LGSN: variants seen among roughly 807,000 people sequenced by gnomAD.
LGSN encodes the protein lengsin.
In LGSN, 21 loss-of-function variants were observed where a neutral mutation model predicts 19.5. The ratio of observed to expected loss-of-function variants is 1.07; its 90% CI spans 0.76 to 1.55. The LOEUF (loss-of-function observed/expected upper bound fraction) is 1.55. Ranked by LOEUF, LGSN falls within the 40% of genes most tolerant of loss-of-function variation. The pLI, the probability that LGSN is intolerant of heterozygous loss-of-function variation, is 0.00. For synonymous variants in LGSN, 257 were observed against 215.6 expected, an observed-to-expected ratio of 1.19 and a Z score of -1.68; for missense variants, 673 against 608.5, an observed-to-expected ratio of 1.11 and a Z score of -1.12.
intron 2 of LGSN, among the ~76,000 whole-genome samples, chr6:63,287,695 G>T (rs982937124): frequency 1.3e-5 from 2 of 151,830 alleles, no homozygotes; most frequent in African/African-American, 4.8e-5. Context: ...GCAACAAAGA[G>T]GGACTGTCTT....
chr6:63,456,346 AATATACATAT>A, the LGSN span, among the ~76,000 whole-genome samples: 1,748 of 100,426 alleles, frequency 0.017, 153 homozygotes, highest in African/African-American at 0.039. Flanking sequence ...ACTTGGCAGA[AATATACATAT>A]ATATATATAT....
chr6:63,561,616 AG>A, the LGSN span, among the ~76,000 whole-genome samples: 1 of 152,172 alleles, frequency 6.6e-6, no homozygotes. Context: ...ATCACAACCC[AG>A]GTGACTTAGG....
chr6:63,383,627 T>C, the LGSN span, among the ~76,000 whole-genome samples: 6 of 152,118 alleles, frequency 3.9e-5, no homozygotes, highest in African/African-American at 1.4e-4. Context: ...ACTAAACTAA[T>C]TTTCTCAGAT....
intron 1 of LGSN, among the ~76,000 whole-genome samples, chr6:63,314,288 C>T (rs905511365): frequency 6.6e-6 from 1 of 152,174 alleles, no homozygotes; most frequent in Non-Finnish European, 1.5e-5. Context: ...CTCTGCTCTC[C>T]ACCATATAGG....
the LGSN span, among the ~76,000 whole-genome samples, chr6:63,370,178 C>A: frequency 2.6e-5 from 4 of 152,144 alleles, no homozygotes; most frequent in Non-Finnish European, 5.9e-5. Context: ...GGTAACATCC[C>A]CCTCAAGTAA....
At chr6:63,531,895 G>A in the LGSN span, among the ~76,000 whole-genome samples, 9 of 150,972 alleles carry the variant, frequency 6.0e-5, no homozygotes, top group South Asian at 2.1e-4. Flanking sequence ...CTTGCCTCCC[G>A]GGTTCAAGCA....
At chr6:63,552,868 G>T in the LGSN span, among the ~76,000 whole-genome samples, 4 of 152,048 alleles carry the variant, frequency 2.6e-5, no homozygotes, top group Non-Finnish European at 5.9e-5. Flanking sequence ...TATTTCTGAG[G>T]GCTCTGTTCT....
chr6:63,532,391 A>G, the LGSN span, among the ~76,000 whole-genome samples: 1 of 152,032 alleles, frequency 6.6e-6, no homozygotes, highest in African/African-American at 2.4e-5. Context: ...AATCTCCTCT[A>G]TGCTCACATA....
the LGSN span, among the ~76,000 whole-genome samples, chr6:63,393,493 C>T: frequency 6.6e-6 from 1 of 152,116 alleles, no homozygotes; most frequent in Non-Finnish European, 1.5e-5. Context: ...TTCCCTTCTT[C>T]TGTACAGTAA....
At chr6:63,359,317 A>G in the LGSN span, among the ~76,000 whole-genome samples, 9 of 152,162 alleles carry the variant, frequency 5.9e-5, no homozygotes, top group African/African-American at 2.2e-4. Context: ...GTCTCTGCCC[A>G]GCTTTGGTAT....
chr6:63,332,952 G>T, the LGSN span, among the ~76,000 whole-genome samples: 1 of 152,062 alleles, frequency 6.6e-6, no homozygotes, highest in Non-Finnish European at 1.5e-5. Flanking sequence ...TGCATCTGGA[G>T]TTGTTCATTC....
the LGSN span, among the ~76,000 whole-genome samples, chr6:63,468,499 T>G: frequency 5.3e-5 from 8 of 152,034 alleles, no homozygotes; most frequent in Admixed American, 6.6e-5. Context: ...GAGCTCTCAG[T>G]TCACTGCAGC....
chr6:63,279,821 G>A lies in LGSN; in HGVS notation c.*200C>T. Reference sequence around the variant, plus strand: ...CATATTATAGCTTCACCACAACTTTGTTGTTTGTTTCTGTTATCAGAATCT... The same window carrying A: ...CATATTATAGCTTCACCACAACTTTATTGTTTGTTTCTGTTATCAGAATCT... On this transcript the variant is annotated 3_prime_UTR_variant, in exon 4 of 4. Coordinates refer to ENST00000370657, the MANE Select transcript of LGSN (RefSeq NM_016571.3). 2.0e-6 allele frequency: 1 copy of A among 495,510 alleles called. No individual in the cohort carries two copies. Among genetic ancestry groups the A allele is most frequent in the South Asian group, 2.8e-5 (1 of 36,082 alleles). 30.7% of individuals were successfully genotyped at this position (495,510 alleles called of 1,614,324 possible).
the LGSN span, among the ~76,000 whole-genome samples, chr6:63,414,846 C>T: frequency 1.3e-5 from 2 of 151,932 alleles, no homozygotes; most frequent in African/African-American, 4.8e-5. Flanking sequence ...GCCTGGGAGG[C>T]AGAGGTTGCA....
chr6:63,549,184 CT>C, the LGSN span: 1 of 688,548 alleles, frequency 1.5e-6, no homozygotes, highest in Admixed American at 2.2e-5. Context: ...TGTTTCTTCT[CT>C]TGCTTAGTCT....
At chr6:63,491,711 C>T in the LGSN span, among the ~76,000 whole-genome samples, 1 of 152,098 alleles carries the variant, frequency 6.6e-6, no homozygotes, top group African/African-American at 2.4e-5. Flanking sequence ...CTGCAAGTGC[C>T]ATGTGCTAGT....
At chr6:63,500,695 A>G in the LGSN span, among the ~76,000 whole-genome samples, 4 of 151,384 alleles carry the variant, frequency 2.6e-5, no homozygotes, top group African/African-American at 9.7e-5. Flanking sequence ...TGCTGGGATT[A>G]CAGGCGTGAG....
At chr6:63,326,698 G>T in the LGSN span, among the ~76,000 whole-genome samples, 16 of 152,214 alleles carry the variant, frequency 1.1e-4, no homozygotes, top group Non-Finnish European at 2.9e-5. Context: ...TGGCCTGGGT[G>T]CTAAGCCCCT....
At chr6:63,335,792 G>A in the LGSN span, among the ~76,000 whole-genome samples, 99 of 152,148 alleles carry the variant, frequency 6.5e-4, no homozygotes, top group Admixed American at 9.2e-4. Flanking sequence ...TAGAACTACC[G>A]TACAATTCAG....
Sources: allele counts gnomAD v4.1 joint callset (sites outside exome capture counted in the v4.1 genomes callset), GRCh38; gene constraint gnomAD v4.1.1; transcripts MANE v1.5; gene names NCBI Gene and HGNC (gene_info 2026-07-23, HGNC 2026-07-21).